Variants in SIPA1L1 observed in about 807,000 individuals in gnomAD.
SIPA1L1 encodes the protein signal-induced proliferation-associated 1-like protein 1.
SIPA1L1 carries 26 observed loss-of-function variants against 162.7 expected under a neutral mutation model. The observed-to-expected ratio is 0.16, with a 90% CI of 0.12 to 0.22. The LOEUF is 0.22. Among genes scored for constraint, SIPA1L1 ranks in the 10% least tolerant of loss-of-function variants. The pLI is 1.00. For missense variants in SIPA1L1, 1,874 were observed against 2,241.0 expected (o/e 0.84, Z 3.31); for synonymous variants, 829 against 837.4 (o/e 0.99, Z 0.17).
Position 71,741,036 on chromosome 14 carries a change from C to T in SIPA1L1, c.*1875C>T, listed in dbSNP as rs970917603. Reference sequence around the variant, plus strand: ...AAGAATAAAATTCATTTTAAACGCTCTTTTAAAACACTTTGGTATTATTGC... The same window carrying T: ...AAGAATAAAATTCATTTTAAACGCTTTTTTAAAACACTTTGGTATTATTGC... On this transcript the variant is annotated 3_prime_UTR_variant, in exon 24 of 24. Coordinates refer to ENST00000381232, the MANE Select transcript of SIPA1L1 (RefSeq NM_001386936.1). The T allele has an allele frequency of 2.0e-5, 3 of 152,156 alleles. No homozygotes were observed. The highest frequency in any genetic ancestry group is 6.5e-5 in the Admixed American group (1 of 15,272). 9.4% of individuals were successfully genotyped at this position (152,156 alleles called of 1,614,324 possible).
intron 5 of SIPA1L1, among the ~76,000 whole-genome samples, chr14:71,615,333 T>A (rs138970095): frequency 1.4e-3 from 209 of 152,298 alleles, no homozygotes; most frequent in Non-Finnish European, 2.5e-3. Flanking sequence ...AACCTTTGGG[T>A]AACCATGAAA....
intron 8 of SIPA1L1, 32 bp from the exon 9 acceptor site, chr14:71,658,301 T>G: frequency 9.9e-7 from 1 of 1,012,136 alleles, no homozygotes; most frequent in Non-Finnish European, 1.6e-6. Flanking sequence ...CCTGTTATAG[T>G]CATCTCATCA....
intron 2 of SIPA1L1, among the ~76,000 whole-genome samples, chr14:71,448,281 A>G (rs2045564564): frequency 6.6e-6 from 1 of 152,170 alleles, no homozygotes; most frequent in Non-Finnish European, 1.5e-5. Flanking sequence ...GATTATAGTA[A>G]TAACTGACCT....
chr14:71,376,829 T>C lies in SIPA1L1; in HGVS notation c.-465+55648T>C, dbSNP rs111805190. Among the ~76,000 whole-genome samples, 405 of 152,250 alleles carry C rather than the reference T, an allele frequency of 2.7e-3. 2 individuals carry two copies. The highest frequency in any genetic ancestry group is 9.0e-3 in the African/African-American group (375 of 41,528). ...TAACCCTGAGTTGACACAGCACATG[T>C]TTCAGAGAGCACGGGGTTGGGGGTA... On this transcript the variant is annotated intron_variant, in intron 2 of 23. Coordinates refer to ENST00000381232, the MANE Select transcript of SIPA1L1 (RefSeq NM_001386936.1).
At chr14:71,611,695 G>A (rs2038239305) in intron 5 of SIPA1L1, among the ~76,000 whole-genome samples, 1 of 152,082 alleles carries the variant, frequency 6.6e-6, no homozygotes. Flanking sequence ...GAGAATGATG[G>A]CTTCCAGCTT....
intron 5 of SIPA1L1, among the ~76,000 whole-genome samples, chr14:71,594,907 G>C (rs186197209): frequency 1.5e-3 from 228 of 152,270 alleles, no homozygotes; most frequent in African/African-American, 5.2e-3. Context: ...TCTGCTCAGG[G>C]CTTCCAGAAG....
intron 2 of SIPA1L1, among the ~76,000 whole-genome samples, chr14:71,326,021 C>T (rs530388043): frequency 3.9e-5 from 6 of 152,280 alleles, no homozygotes; most frequent in African/African-American, 9.6e-5. Context: ...AACTGACAGC[C>T]AGTGCTGCTG....
In SIPA1L1 at chr14:71,587,855, T is replaced by A. The variant is rs1567250792; in HGVS notation, c.-18T>A. ...ATGGTCCTTGCTGCAGGGATTTAAG[T>A]CTACTTGCTTTTACATCATGACCAG... On this transcript the variant is annotated 5_prime_UTR_variant, in exon 5 of 24. Transcript: ENST00000381232. 1.9e-6 allele frequency: 3 copies of A among 1,590,640 alleles called. No individual in the cohort carries two copies. Among genetic ancestry groups the A allele is most frequent in the Non-Finnish European group, 2.6e-6 (3 of 1,162,252 alleles).
intron 7 of SIPA1L1, among the ~76,000 whole-genome samples, chr14:71,645,454 T>C (rs551884811): frequency 6.6e-6 from 1 of 152,366 alleles, no homozygotes; most frequent in African/African-American, 2.4e-5. Flanking sequence ...TGCAACTCAG[T>C]TGAACAAGTG....
chr14:71,350,219 T>C (rs2036561843), intron 2 of SIPA1L1, among the ~76,000 whole-genome samples: 1 of 144,712 alleles, frequency 6.9e-6, no homozygotes, highest in Non-Finnish European at 1.5e-5. Flanking sequence ...AAACCCCGTC[T>C]CTACTAAACA....
intron 8 of SIPA1L1, among the ~76,000 whole-genome samples, chr14:71,654,058 C>A (rs1442647244): frequency 6.6e-6 from 1 of 152,184 alleles, no homozygotes; most frequent in Non-Finnish European, 1.5e-5. Flanking sequence ...AGCTCTACTT[C>A]ATGCATTATC....
intron 2 of SIPA1L1, among the ~76,000 whole-genome samples, chr14:71,354,676 C>A (rs1025308133): frequency 1.3e-5 from 2 of 151,920 alleles, no homozygotes; most frequent in Non-Finnish European, 2.9e-5. Flanking sequence ...GCTTGAGAGT[C>A]ATCGTAGTAA....
At chr14:71,666,353 G>A (rs555145874) in intron 10 of SIPA1L1, among the ~76,000 whole-genome samples, 112 of 152,314 alleles carry the variant, frequency 7.4e-4, no homozygotes, top group African/African-American at 1.9e-3. Context: ...GTGAGGAAGT[G>A]GAGGGGAATC....
chr14:71,439,073 C>T (rs2044633372), intron 2 of SIPA1L1, among the ~76,000 whole-genome samples: 1 of 152,082 alleles, frequency 6.6e-6, no homozygotes, highest in Non-Finnish European at 1.5e-5. Context: ...CTGTGGTACC[C>T]TGAGGAGGAG....
At chr14:71,651,538 G>A (rs957454976) in intron 8 of SIPA1L1, among the ~76,000 whole-genome samples, 1 of 152,154 alleles carries the variant, frequency 6.6e-6, no homozygotes, top group Non-Finnish European at 1.5e-5. Context: ...TACTCTGCTT[G>A]CAACTGCATA....
chr14:71,655,635 A>G (rs557163119), intron 8 of SIPA1L1, among the ~76,000 whole-genome samples: 1 of 152,010 alleles, frequency 6.6e-6, no homozygotes, highest in Non-Finnish European at 1.5e-5. Context: ...AACATCTGTT[A>G]TTTTTTGACT....
chr14:71,654,836 A>AT (rs542171081), intron 8 of SIPA1L1, among the ~76,000 whole-genome samples: 85 of 148,770 alleles, frequency 5.7e-4, no homozygotes, highest in Admixed American at 8.1e-4. Flanking sequence ...ATAAAAAAGC[A>AT]TTTTTTTTTT....
chr14:71,688,451 A>C (rs2081025837), intron 13 of SIPA1L1, among the ~76,000 whole-genome samples: 1 of 152,252 alleles, frequency 6.6e-6, no homozygotes, highest in Admixed American at 6.5e-5. Flanking sequence ...ATTTGAGGAT[A>C]GAGCAGATTC....
chr14:71,437,925 T>G (rs2044523844), intron 2 of SIPA1L1, among the ~76,000 whole-genome samples: 1 of 152,182 alleles, frequency 6.6e-6, no homozygotes, highest in Non-Finnish European at 1.5e-5. Flanking sequence ...TACACAGGCA[T>G]GTACCGTAAC....
Sources: gnomAD v4.1 joint callset for allele counts (sites outside exome capture counted in the v4.1 genomes callset) on GRCh38, gnomAD v4.1.1 for gene constraint, MANE v1.5 for transcripts, NCBI Gene and HGNC (gene_info 2026-07-23, HGNC 2026-07-21) for gene names.